Variants in FBXO15 observed in about 807,000 individuals in gnomAD.
FBXO15 encodes the protein F-box only protein 15.
In FBXO15, 30 loss-of-function variants were observed where a neutral mutation model predicts 49.5. That is an observed-to-expected ratio of 0.61 (90% confidence interval 0.45 to 0.82). FBXO15 has a LOEUF of 0.82. Among genes scored for constraint, FBXO15 ranks in the 40% least tolerant of loss-of-function variants. FBXO15 has a pLI of 0.00. For missense variants in FBXO15, 591 were observed against 631.5 expected, an observed-to-expected ratio of 0.94 and a Z score of 0.69; for synonymous variants, 250 against 232.7, an observed-to-expected ratio of 1.07 and a Z score of -0.68.
chr18:74,132,171 C>T (rs1398262297), intron 3 of FBXO15, among the ~76,000 whole-genome samples: 4 of 152,172 alleles, frequency 2.6e-5, no homozygotes, highest in Admixed American at 6.5e-5. Context: ...AGATGCAATG[C>T]GATGATGAGT....
intron 8 of FBXO15, among the ~76,000 whole-genome samples, chr18:74,086,494 T>A (rs563359645): frequency 2.6e-5 from 4 of 152,308 alleles, no homozygotes; most frequent in Non-Finnish European, 5.9e-5. Context: ...AGTGGTGCGA[T>A]CTCAACTCAC....
chr18:74,087,628 A>G (rs145018896), intron 8 of FBXO15, among the ~76,000 whole-genome samples: 92 of 152,332 alleles, frequency 6.0e-4, no homozygotes, highest in African/African-American at 2.0e-3. Flanking sequence ...TGGGCATTTA[A>G]GTTGACTCTA....
At chr18:74,146,816 C>G (rs1182031477) in intron 1 of FBXO15, among the ~76,000 whole-genome samples, 1 of 152,152 alleles carries the variant, frequency 6.6e-6, no homozygotes, top group Non-Finnish European at 1.5e-5. Context: ...ATGTAATAGA[C>G]TCCCTTTGTG....
chr18:74,116,950 A>T (rs1161891594), intron 8 of FBXO15, among the ~76,000 whole-genome samples: 2 of 152,014 alleles, frequency 1.3e-5, no homozygotes, highest in Admixed American at 1.3e-4. Context: ...AGCCACCTAC[A>T]TTCCACAGAC....
chr18:74,079,797 GA>G (rs1386493724), intron 9 of FBXO15, among the ~76,000 whole-genome samples: 1 of 152,176 alleles, frequency 6.6e-6, no homozygotes. Context: ...GTTGGAGGAA[GA>G]CGGAGATTCT....
At chr18:74,091,293 T>C (rs1311417866) in intron 8 of FBXO15, among the ~76,000 whole-genome samples, 2 of 152,172 alleles carry the variant, frequency 1.3e-5, no homozygotes, top group African/African-American at 4.8e-5. Flanking sequence ...TGTCACTGCA[T>C]GTGAGATGGG....
rs1182994423 is a variant in FBXO15, at chr18:74,073,749, T to C, written c.1264-19A>G. ...AACAACTCTGCAAAATAAACACAGA[T>C]TGACAAGGATAAAAAGGCCAATCAG... is the stretch of plus-strand genomic sequence containing the variant. On this transcript the variant is annotated intron_variant, in intron 9 of 9. Coordinates refer to ENST00000419743, the MANE Select transcript of FBXO15 (RefSeq NM_001142958.2). 4.4e-6 allele frequency: 7 copies of C among 1,594,824 alleles called. No individual in the cohort carries two copies. Among genetic ancestry groups the C allele is most frequent in the Non-Finnish European group, 5.1e-6 (6 of 1,169,968 alleles).
At chr18:74,110,453 T>C (rs1013366114) in intron 8 of FBXO15, among the ~76,000 whole-genome samples, 22 of 151,554 alleles carry the variant, frequency 1.5e-4, no homozygotes, top group Non-Finnish European at 1.5e-5. Context: ...AAATGCTCAA[T>C]TAAAACTACA....
At chr18:74,102,747 A>T (rs1314043709) in intron 8 of FBXO15, among the ~76,000 whole-genome samples, 1 of 152,200 alleles carries the variant, frequency 6.6e-6, no homozygotes, top group Non-Finnish European at 1.5e-5. Context: ...ACTGTGGTGT[A>T]TATGTATACA....
At chr18:74,146,275 C>T (rs1381809542) in intron 1 of FBXO15, among the ~76,000 whole-genome samples, 2 of 152,134 alleles carry the variant, frequency 1.3e-5, no homozygotes, top group Non-Finnish European at 2.9e-5. Flanking sequence ...TTTTCCACAG[C>T]GATATATTAA....
chr18:74,081,397 C>A (rs1363933101), intron 9 of FBXO15, among the ~76,000 whole-genome samples: 1 of 152,250 alleles, frequency 6.6e-6, no homozygotes, highest in Admixed American at 6.5e-5. Flanking sequence ...TCTTTCTCCT[C>A]TTCCTCCTCC....
chr18:74,075,909 T>C lies in FBXO15; in HGVS notation c.1264-2179A>G, dbSNP rs1481110428. Among the ~76,000 whole-genome samples, 1 of 152,216 alleles carries C rather than the reference T, an allele frequency of 6.6e-6. No individual in the cohort carries two copies. On this transcript the variant is annotated intron_variant, in intron 9 of 9. Coordinates refer to ENST00000419743, the MANE Select transcript of FBXO15 (RefSeq NM_001142958.2). The surrounding 1 kb of genome is among the most constrained non-coding windows in gnomAD (Gnocchi z 4.1). ...TAAGTTATCACCAACATGCCTGTGA[T>C]TCCCAAAAGTTTATCTCCAGGCCGA...
In FBXO15 at chr18:74,143,728, T is replaced by C. The variant is rs369092542; in HGVS notation, c.117-3416A>G. Among the ~76,000 whole-genome samples the C allele has an allele frequency of 5.9e-5, 9 of 152,366 alleles. 1 individual carries two copies. Among genetic ancestry groups the C allele is most frequent in the African/African-American group, 2.2e-4 (9 of 41,590 alleles). On this transcript the variant is annotated intron_variant, in intron 1 of 9. Coordinates refer to ENST00000419743, the MANE Select transcript of FBXO15 (RefSeq NM_001142958.2). ...AGTGTTTGAATTAGAAACAGGTCCCTGATGGCCTCCAGGTGTCTATATGGC... is the reference window on the plus strand; with the variant it reads ...AGTGTTTGAATTAGAAACAGGTCCCCGATGGCCTCCAGGTGTCTATATGGC...
chr18:74,130,421 G>C lies in FBXO15; in HGVS notation c.570C>G (p.Ala190=), dbSNP rs751814344. The C allele has an allele frequency of 1.5e-5, 24 of 1,613,952 alleles. No individual in the cohort carries two copies. Among genetic ancestry groups the C allele is most frequent in the Middle Eastern group, 1.6e-4 (1 of 6,082 alleles). Reference sequence around the variant, plus strand: ...TTTTGGAACACACTGCGTACCTGAGGGCCTCTTTGGTCTTAACTGGAAGGC... The same window carrying C: ...TTTTGGAACACACTGCGTACCTGAGCGCCTCTTTGGTCTTAACTGGAAGGC... The part of the protein sequence containing the change: ...YTGLPVKTKE[A]LRIFGLGWAI... Residue 190 remains alanine, a synonymous_variant, in exon 4 of 10, where the codon GCC becomes GCG. Coordinates refer to ENST00000419743, the MANE Select transcript of FBXO15 (RefSeq NM_001142958.2).
chr18:74,100,031 A>G (rs1913441293), intron 8 of FBXO15: 1 of 152,208 alleles, frequency 6.6e-6, no homozygotes. Flanking sequence ...CAACAAAGAA[A>G]CAATGGATTT....
At chr18:74,126,267 A>G (rs773596171) in intron 5 of FBXO15, among the ~76,000 whole-genome samples, 166 bp from the exon 6 acceptor site, 4 of 152,234 alleles carry the variant, frequency 2.6e-5, no homozygotes, top group Non-Finnish European at 5.9e-5. Context: ...ATAAAAGGCA[A>G]AATGGATACA....
intron 8 of FBXO15, among the ~76,000 whole-genome samples, chr18:74,084,363 C>T (rs1392670346): frequency 6.6e-6 from 1 of 152,074 alleles, no homozygotes. Context: ...AACCTGGAGT[C>T]GGAAATGAGC....
intron 3 of FBXO15, among the ~76,000 whole-genome samples, chr18:74,131,073 C>T (rs918494094): frequency 3.3e-5 from 5 of 151,946 alleles, no homozygotes; most frequent in Non-Finnish European, 7.4e-5. Flanking sequence ...GTACACACAC[C>T]AAGAAATTTC....
intron 8 of FBXO15, chr18:74,097,391 G>A (rs1273316658): frequency 1.3e-5 from 2 of 150,632 alleles, no homozygotes; most frequent in East Asian, 3.9e-4. Flanking sequence ...GCTGTTGGGG[G>A]GTTGGGGGGT....
Sources: allele counts gnomAD v4.1 joint callset (sites outside exome capture counted in the v4.1 genomes callset), GRCh38; gene constraint gnomAD v4.1.1; non-coding constraint Gnocchi (gnomAD v3.1); transcripts MANE v1.5; gene names NCBI Gene and HGNC (gene_info 2026-07-23, HGNC 2026-07-21).